PTGFRN: variants seen among roughly 807,000 people sequenced by gnomAD.
PTGFRN encodes prostaglandin F2 receptor negative regulator.
In PTGFRN, 35 loss-of-function variants were observed where a neutral mutation model predicts 83.2. The ratio of observed to expected loss-of-function variants is 0.42; its 90% CI spans 0.32 to 0.56. The LOEUF (loss-of-function observed/expected upper bound fraction) is 0.56, where lower values mean the gene tolerates loss of function less well. PTGFRN is among the 20% of genes least tolerant of loss of function. The pLI is 0.11. For missense variants in PTGFRN, 1,051 were observed against 1,179.5 expected, an observed-to-expected ratio of 0.89 and a Z score of 1.60; for synonymous variants, 519 against 498.6, an observed-to-expected ratio of 1.04 and a Z score of -0.55.
chr1:116,955,982 C>T (rs889242271), intron 4 of PTGFRN, among the ~76,000 whole-genome samples: 1 of 152,168 alleles, frequency 6.6e-6, no homozygotes, highest in Non-Finnish European at 1.5e-5. Context: ...GGAGAGGATA[C>T]ACAGAAGAGG....
rs1320985342 is a variant in PTGFRN at position 116,940,294 on chromosome 1, G to C, written c.50-1421G>C. Among the ~76,000 whole-genome samples the C allele has an allele frequency of 2.6e-5, 4 of 152,292 alleles. 1 individual carries two copies. The South Asian group carries it at 6.2e-4, about 24-fold the overall frequency. The stretch of plus-strand genomic sequence containing the variant: ...TTCCGTGCTTCTCCCTTAGCTTCTG[G>C]TGGCTTGCTGGCAATTTGTGGAGGT... On this transcript the variant is annotated intron_variant, in intron 1 of 8. Coordinates refer to ENST00000393203, the MANE Select transcript of PTGFRN (RefSeq NM_020440.4).
Position 116,987,237 on chromosome 1 carries a change from A to C in PTGFRN, c.*270A>C. ...CTTTTTAATGGTTAACCTTCATCTA[A>C]TTTTTTTTCTCCCACTGGTTTATAG... is the stretch of plus-strand genomic sequence containing the variant. On this transcript the variant is annotated 3_prime_UTR_variant, in exon 9 of 9. Transcript: ENST00000393203. 1 of 348,920 alleles carries C rather than the reference A, an allele frequency of 2.9e-6. No individual in the cohort carries two copies. Among genetic ancestry groups the C allele is most frequent in the Non-Finnish European group, 5.3e-6 (1 of 187,816 alleles). The allele number at this position is 348,920 out of a possible 1,614,324, so 21.6% of individuals were successfully genotyped here. A position where few individuals can be genotyped will look rare whatever the true frequency, so the allele number is the denominator to read the frequency against.
At chr1:116,964,202 G>A (rs993080702) in intron 5 of PTGFRN, among the ~76,000 whole-genome samples, 6 of 152,088 alleles carry the variant, frequency 3.9e-5, no homozygotes, top group Non-Finnish European at 7.3e-5. Context: ...TATATACTCA[G>A]TGTGTCTGGT....
rs1480796931 is a variant in PTGFRN, at chr1:116,958,893, T to A, written c.1214-2350T>A. On this transcript the variant is annotated intron_variant, in intron 4 of 8. Transcript: ENST00000393203. The surrounding 1 kb of genome is among the most constrained non-coding windows in gnomAD (Gnocchi z 4.9). ...TGCCACACAGGAAGGGTCTTATGTG[T>A]TGTGCTTGAAATGGACTTGAGGCTC... Among the ~76,000 whole-genome samples the A allele has an allele frequency of 6.6e-6, 1 of 152,178 alleles. No homozygotes were observed. Among genetic ancestry groups the A allele is most frequent in the Non-Finnish European group, 1.5e-5 (1 of 68,040 alleles).
chr1:116,948,905 G>A (rs1472479758), intron 3 of PTGFRN, among the ~76,000 whole-genome samples: 1 of 152,156 alleles, frequency 6.6e-6, no homozygotes, highest in African/African-American at 2.4e-5. Flanking sequence ...GCCTCTTAGG[G>A]TTGTTTTGAG....
chr1:116,914,444 G>T (rs1299558626), intron 1 of PTGFRN, among the ~76,000 whole-genome samples: 1 of 152,290 alleles, frequency 6.6e-6, no homozygotes, highest in South Asian at 2.1e-4. Flanking sequence ...ACTTACAAAG[G>T]ATATAAGGTC....
chr1:116,986,222 A>G (rs924670687), intron 8 of PTGFRN, among the ~76,000 whole-genome samples: 8 of 152,228 alleles, frequency 5.3e-5, no homozygotes, highest in African/African-American at 1.9e-4. Flanking sequence ...TGGGATTTCA[A>G]GGGTGGAGTC....
At chr1:116,948,227 G>T (rs1393865011) in intron 3 of PTGFRN, among the ~76,000 whole-genome samples, 1 of 152,158 alleles carries the variant, frequency 6.6e-6, no homozygotes, top group Non-Finnish European at 1.5e-5. Context: ...TTTCTACTCA[G>T]ATTACAGATG....
chr1:116,979,496 C>A (rs1229156667), intron 7 of PTGFRN, among the ~76,000 whole-genome samples: 2 of 152,206 alleles, frequency 1.3e-5, no homozygotes, highest in Non-Finnish European at 2.9e-5. Flanking sequence ...GTAACCAAAA[C>A]AGCATGGTGC....
chr1:116,958,398 GT>G lies in PTGFRN; in HGVS notation c.1214-2842del, dbSNP rs1466645886. On this transcript the variant is annotated intron_variant, in intron 4 of 8. Coordinates refer to ENST00000393203, the MANE Select transcript of PTGFRN (RefSeq NM_020440.4). This position sits in a 1 kb window ranked among gnomAD's most constrained non-coding sequence, Gnocchi z 4.9. The stretch of plus-strand genomic sequence containing the variant: ...AAATATGAAGTTTAGAAGACAGTAG[GT>G]TTGGTTCATCTGTGAGCTAAGGATG... Among the ~76,000 whole-genome samples the G allele has an allele frequency of 6.6e-6, 1 of 152,172 alleles. No homozygotes were observed. The highest frequency in any genetic ancestry group is 1.5e-5 in the Non-Finnish European group (1 of 68,026).
At chr1:116,953,394 C>G (rs1174420536) in intron 4 of PTGFRN, among the ~76,000 whole-genome samples, 1 of 152,132 alleles carries the variant, frequency 6.6e-6, no homozygotes, top group African/African-American at 2.4e-5. Flanking sequence ...TTCTGGAAGG[C>G]AGAAGTGCAC....
intron 1 of PTGFRN, among the ~76,000 whole-genome samples, chr1:116,917,091 GCTACA>G (rs1054401335): frequency 6.6e-6 from 1 of 152,150 alleles, no homozygotes; most frequent in Non-Finnish European, 1.5e-5. Flanking sequence ...GTCACATGCT[GCTACA>G]GAACTGGAAG....
intron 1 of PTGFRN, among the ~76,000 whole-genome samples, chr1:116,916,782 T>C (rs1241736741): frequency 6.6e-6 from 1 of 152,220 alleles, no homozygotes; most frequent in Admixed American, 6.5e-5. Context: ...AGCTCATTTA[T>C]TCAGCAAATA....
chr1:116,917,431 C>G (rs534493690), intron 1 of PTGFRN, among the ~76,000 whole-genome samples: 1 of 152,098 alleles, frequency 6.6e-6, no homozygotes. Context: ...GAAGGTGGCA[C>G]AGGGGGGTTG....
chr1:116,934,196 AG>A (rs1414634937), intron 1 of PTGFRN, among the ~76,000 whole-genome samples: 1 of 151,546 alleles, frequency 6.6e-6, no homozygotes, highest in African/African-American at 2.4e-5. Context: ...CCCAGGCAGG[AG>A]TACAGTGGCA....
At chr1:116,965,532 G>A (rs958894523) in intron 5 of PTGFRN, among the ~76,000 whole-genome samples, 8 of 151,988 alleles carry the variant, frequency 5.3e-5, no homozygotes, top group Admixed American at 1.3e-4. Context: ...CAATCCTCTC[G>A]CCTCAGCCTC....
At chr1:116,929,571 C>G (rs1649742089) in intron 1 of PTGFRN, among the ~76,000 whole-genome samples, 1 of 152,148 alleles carries the variant, frequency 6.6e-6, no homozygotes, top group Non-Finnish European at 1.5e-5. Context: ...ATTTGCTGTT[C>G]TGTGTCTGGA....
chr1:116,937,877 G>GT (rs765955579), intron 1 of PTGFRN, among the ~76,000 whole-genome samples: 2 of 152,200 alleles, frequency 1.3e-5, no homozygotes, highest in Non-Finnish European at 2.9e-5. Flanking sequence ...CATGAGTGCT[G>GT]TAAGTACATT....
At chr1:116,974,903 G>A (rs1651103372) in intron 7 of PTGFRN, among the ~76,000 whole-genome samples, 1 of 152,224 alleles carries the variant, frequency 6.6e-6, no homozygotes, top group African/African-American at 2.4e-5. Context: ...AGCCCACCGA[G>A]CGTGAGCCGA....
Sources: allele counts gnomAD v4.1 joint callset (sites outside exome capture counted in the v4.1 genomes callset), GRCh38; gene constraint gnomAD v4.1.1; non-coding constraint Gnocchi (gnomAD v3.1); transcripts MANE v1.5; gene names NCBI Gene and HGNC (gene_info 2026-07-23, HGNC 2026-07-21).